Variants in RELN observed in about 807,000 individuals in gnomAD.
The protein encoded by RELN is reelin.
In RELN, 108 loss-of-function variants were observed where a neutral mutation model predicts 427.6. The observed-to-expected ratio is 0.25, with a 90% CI of 0.22 to 0.30. RELN has a LOEUF of 0.30. RELN is among the 10% of genes least tolerant of loss of function. RELN has a pLI of 1.00. For missense variants in RELN, 3,715 were observed against 4,302.8 expected (o/e 0.86, Z 3.82); for synonymous variants, 1,524 against 1,513.4 (o/e 1.01, Z -0.16).
Position 103,833,702 on chromosome 7 carries a change from AG to A in RELN, c.338-31del, listed in dbSNP as rs772591188. 3.1e-6 allele frequency: 5 copies of A among 1,602,434 alleles called. No individual in the cohort carries two copies. In the Admixed American group the frequency reaches 8.5e-5, roughly 27 times the overall value. On this transcript the variant is annotated intron_variant, in intron 2 of 64. Transcript: ENST00000428762. ...GAGAAAGGAAGGAGAGTTGTTACAA[AG>A]ACAACAAAACAAAGATCTTCCTATC...
intron 64 of RELN, among the ~76,000 whole-genome samples, chr7:103,474,598 A>G (rs976057722): frequency 9.2e-5 from 14 of 152,268 alleles, no homozygotes; most frequent in African/African-American, 3.4e-4. Flanking sequence ...CTGCCTATGT[A>G]AAATTGAGTT....
intron 1 of RELN, among the ~76,000 whole-genome samples, chr7:103,964,799 A>G (rs527763936): frequency 2.9e-4 from 44 of 152,346 alleles, no homozygotes; most frequent in African/African-American, 1.1e-3. Flanking sequence ...GACCACTGGA[A>G]GAGTACTGTT....
rs362660 is a variant in RELN at position 103,590,900 on chromosome 7, G to A, written c.3913-1072C>T. On this transcript the variant is annotated intron_variant, in intron 27 of 64. Coordinates refer to ENST00000428762, the MANE Select transcript of RELN (RefSeq NM_005045.4). ...TCCTCCACATTCTGTTATACATAGC[G>A]TTGCAGAGAATATACCTTTCTTCTT... Among the ~76,000 whole-genome samples, 588 of 152,210 alleles carry A rather than the reference G, an allele frequency of 3.9e-3. 5 individuals are homozygous for A. The highest frequency in any genetic ancestry group is 0.013 in the African/African-American group (555 of 41,520).
Position 103,503,205 on chromosome 7 carries a change from T to C in RELN, c.8300A>G (p.Glu2767Gly), listed in dbSNP as rs1438852937. The change falls in exon 52 of 65, where the codon GAA (glutamate) becomes GGA (glycine). Residue 2767 changes from glutamate (E) to glycine (G), a missense_variant. Transcript: ENST00000428762. ...ATGAATTTGATTCTGGGCAATTTTT[T>C]CAGACACCTTACATCCAACTGAGAT... ...FKISVGCKVS[E>G]KIAQNQIHVQ... 2 of 1,614,080 alleles carry C rather than the reference T, an allele frequency of 1.2e-6. No individual in the cohort carries two copies. Among genetic ancestry groups the C allele is most frequent in the African/African-American group, 2.7e-5 (2 of 74,946 alleles).
chr7:103,972,110 A>T (rs181308686), intron 1 of RELN, among the ~76,000 whole-genome samples: 1 of 152,260 alleles, frequency 6.6e-6, no homozygotes, highest in East Asian at 1.9e-4. Context: ...AAAATAAAAA[A>T]ATCTCTGCAA....
At chr7:103,883,336 G>T (rs1184550182) in intron 2 of RELN, among the ~76,000 whole-genome samples, 3 of 152,138 alleles carry the variant, frequency 2.0e-5, no homozygotes, top group Non-Finnish European at 2.9e-5. Flanking sequence ...ATACTGAATG[G>T]GCAAAAGCTG....
intron 9 of RELN, among the ~76,000 whole-genome samples, chr7:103,698,322 T>C (rs1355651999): frequency 6.6e-6 from 1 of 152,110 alleles, no homozygotes; most frequent in Non-Finnish European, 1.5e-5. Flanking sequence ...AAGGTTTACA[T>C]GGAAAACAAG....
intron 2 of RELN, among the ~76,000 whole-genome samples, chr7:103,858,048 A>T (rs1877109): frequency 3.3e-5 from 5 of 152,066 alleles, no homozygotes; most frequent in South Asian, 4.2e-4. Context: ...TGTCACCAGA[A>T]GTTAACTATG....
chr7:103,523,573 A>C, intron 46 of RELN, 42 bp from the exon 47 acceptor site: 1 of 1,610,564 alleles, frequency 6.2e-7, no homozygotes, highest in Non-Finnish European at 8.5e-7. Flanking sequence ...TGCTGTGGAA[A>C]AGAAAATGTG....
chr7:103,722,060 A>G (rs550097305), intron 8 of RELN, among the ~76,000 whole-genome samples: 6 of 152,210 alleles, frequency 3.9e-5, no homozygotes, highest in African/African-American at 7.2e-5. Flanking sequence ...TTATGATCAC[A>G]CATGGACTTC....
rs1035653741 is a variant in RELN at position 103,498,175 on chromosome 7, G to A, written c.8745C>T (p.Cys2915=). 16 of 1,613,814 alleles carry A rather than the reference G, an allele frequency of 9.9e-6. No individual in the cohort carries two copies. In the African/African-American group the frequency reaches 1.2e-4, roughly 12 times the overall value. Residue 2915 remains cysteine (C), a synonymous_variant, in exon 54 of 65, where the codon TGC becomes TGT. Transcript: ENST00000428762. ...CCTCGGCAAGAATTCCACACTCAGT[G>A]CAAGTACTTCCACCTTCTAAGGACA... ...LWMSLEGGST[C]TECGILAEDT...
intron 51 of RELN, among the ~76,000 whole-genome samples, chr7:103,509,102 C>T (rs1301938984): frequency 6.6e-6 from 1 of 152,274 alleles, no homozygotes; most frequent in East Asian, 1.9e-4. Context: ...AGATTCAATG[C>T]TATCCCCATC....
chr7:103,550,613 CT>C (rs556298996), intron 41 of RELN, among the ~76,000 whole-genome samples: 1,907 of 122,648 alleles, frequency 0.016, 17 homozygotes, highest in African/African-American at 0.028. Context: ...AACGTGCTAA[CT>C]TTTTTTTTTT....
intron 13 of RELN, 63 bp from the exon 14 acceptor site, chr7:103,652,822 C>A: frequency 6.7e-7 from 1 of 1,491,964 alleles, no homozygotes; most frequent in Non-Finnish European, 9.3e-7. Context: ...TGTAAATTCT[C>A]CTAGATTTGA....
Position 103,678,733 on chromosome 7 carries a change from G to T in RELN, c.1289+3383C>A, listed in dbSNP as rs144154367. On this transcript the variant is annotated intron_variant, in intron 11 of 64. Transcript: ENST00000428762. Reference sequence around the variant, plus strand: ...TACATAACAAAAACATTGCTAAAGAGATGAAAGCATTATATCCACATTAAT... The same window carrying T: ...TACATAACAAAAACATTGCTAAAGATATGAAAGCATTATATCCACATTAAT... Among the ~76,000 whole-genome samples the T allele has an allele frequency of 4.5e-3, 684 of 152,230 alleles. 11 individuals carry two copies. Among genetic ancestry groups the T allele is most frequent in the East Asian group, 0.037 (190 of 5,182 alleles).
intron 3 of RELN, among the ~76,000 whole-genome samples, chr7:103,805,603 C>T (rs570465772): frequency 6.6e-6 from 1 of 152,308 alleles, no homozygotes; most frequent in South Asian, 2.1e-4. Flanking sequence ...TTCCTTCTAA[C>T]TGGATTGTAA....
chr7:103,685,363 C>G (rs1482041514), intron 10 of RELN, among the ~76,000 whole-genome samples: 1 of 151,916 alleles, frequency 6.6e-6, no homozygotes, highest in African/African-American at 2.4e-5. Flanking sequence ...TACATGAGCT[C>G]TTGATATGAA....
intron 16 of RELN, among the ~76,000 whole-genome samples, chr7:103,643,744 G>C (rs2117370041): frequency 6.6e-6 from 1 of 151,952 alleles, no homozygotes; most frequent in Non-Finnish European, 1.5e-5. Context: ...CCTATTTTTA[G>C]GTTTCTAAAG....
intron 2 of RELN, among the ~76,000 whole-genome samples, chr7:103,846,180 A>G (rs1461777673): frequency 1.3e-5 from 2 of 152,224 alleles, no homozygotes; most frequent in African/African-American, 4.8e-5. Context: ...ACTTCAAACT[A>G]TACTACAAGG....
Sources: gnomAD v4.1 joint callset for allele counts (sites outside exome capture counted in the v4.1 genomes callset) on GRCh38, gnomAD v4.1.1 for gene constraint, MANE v1.5 for transcripts, NCBI Gene and HGNC (gene_info 2026-07-23, HGNC 2026-07-21) for gene names.